Variants in KDM2B observed in about 807,000 individuals in gnomAD.
The protein encoded by KDM2B is lysine demethylase 2B.
In KDM2B, 26 loss-of-function variants were observed where a neutral mutation model predicts 150.0. The ratio of observed to expected loss-of-function variants is 0.17; its 90% CI spans 0.13 to 0.24. The LOEUF is 0.24. KDM2B is among the 10% of genes least tolerant of loss of function. The pLI, the probability that KDM2B is intolerant of heterozygous loss-of-function variation, is 1.00. For missense variants in KDM2B, 1,265 were observed against 1,816.9 expected, an observed-to-expected ratio of 0.70 and a Z score of 5.52; for synonymous variants, 734 against 729.5, an observed-to-expected ratio of 1.01 and a Z score of -0.10.
chr12:121,509,084 A>G (rs1197605931), intron 11 of KDM2B, among the ~76,000 whole-genome samples: 1 of 151,960 alleles, frequency 6.6e-6, no homozygotes, highest in African/African-American at 2.4e-5. Context: ...TTTGAGACAG[A>G]GTCTTGCTCT....
chr12:121,450,266 ACTGCG>A (rs1395911500), intron 13 of KDM2B, among the ~76,000 whole-genome samples: 2 of 151,790 alleles, frequency 1.3e-5, no homozygotes, highest in African/African-American at 2.4e-5. Flanking sequence ...GTGAGCCGAG[ACTGCG>A]CCACTGCACT....
intron 12 of KDM2B, among the ~76,000 whole-genome samples, chr12:121,455,268 C>T (rs1878041387): frequency 6.6e-6 from 1 of 152,190 alleles, no homozygotes; most frequent in African/African-American, 2.4e-5. Context: ...CTGGTCTTCC[C>T]CAGCTGCTCA....
chr12:121,430,216 A>AT lies in KDM2B; in HGVS notation c.*71dup, dbSNP rs782368767. ...TGTTGTCCCACGTTCCAAATGGAAA[A>AT]TAAAAGCCCTCATTTTTGTAAAGTC... On this transcript the variant is annotated 3_prime_UTR_variant, in exon 23 of 23. Transcript: ENST00000377071. This position sits in a 1 kb window ranked among gnomAD's most constrained non-coding sequence, Gnocchi z 4.4. 1.2e-6 allele frequency: 2 copies of AT among 1,614,164 alleles called. No homozygotes were observed. Among genetic ancestry groups the AT allele is most frequent in the Non-Finnish European group, 1.7e-6 (2 of 1,180,026 alleles).
At chr12:121,565,660 T>C (rs1019489497) in intron 4 of KDM2B, among the ~76,000 whole-genome samples, 18 of 152,180 alleles carry the variant, frequency 1.2e-4, no homozygotes, top group Admixed American at 7.2e-4. Context: ...AGTCTCGTTC[T>C]GTTGCCCAGG....
intron 8 of KDM2B, among the ~76,000 whole-genome samples, chr12:121,531,777 C>G (rs551951024): frequency 1.3e-5 from 2 of 152,250 alleles, no homozygotes; most frequent in Admixed American, 1.3e-4. Context: ...CTCCAAAGTA[C>G]AATGACCAAG....
At chr12:121,441,438 A>AGTAT (rs782803976) in intron 19 of KDM2B, among the ~76,000 whole-genome samples, 5 of 151,902 alleles carry the variant, frequency 3.3e-5, no homozygotes, top group Admixed American at 1.3e-4. Context: ...CTCTCCATCA[A>AGTAT]GTATGTATGT....
chr12:121,430,517 A>G lies in KDM2B; in HGVS notation c.3830-48T>C, dbSNP rs781829342. On this transcript the variant is annotated intron_variant, in intron 22 of 22. Transcript: ENST00000377071. This position sits in a 1 kb window ranked among gnomAD's most constrained non-coding sequence, Gnocchi z 4.4. Reference sequence around the variant, plus strand: ...TGAGGTGTGAAGGCCAGGAGCCAGAAGCCCCCCCGCCGCCAGACCCAGGCA... The same window carrying G: ...TGAGGTGTGAAGGCCAGGAGCCAGAGGCCCCCCCGCCGCCAGACCCAGGCA... The G allele has an allele frequency of 2.7e-6, 4 of 1,464,526 alleles. No individual in the cohort carries two copies. The highest frequency in any genetic ancestry group is 3.8e-6 in the Non-Finnish European group (4 of 1,045,224). The allele number at this position is 1,464,526 out of a possible 1,614,324, so 90.7% of individuals were successfully genotyped here.
In KDM2B at chr12:121,517,905, G is replaced by T. The variant is rs114663616; in HGVS notation, c.1047+3080C>A. On this transcript the variant is annotated intron_variant, in intron 9 of 22. Transcript: ENST00000377071. ...AGGACTCTTAAAACACTTTTTTTGA[G>T]GGGGGGGATGGAGTTTCGCTCTTGT... Among the ~76,000 whole-genome samples the T allele has an allele frequency of 7.0e-3, 1,051 of 150,020 alleles. 18 individuals are homozygous for T. The highest frequency in any genetic ancestry group is 0.024 in the African/African-American group (986 of 40,702).
intron 13 of KDM2B, among the ~76,000 whole-genome samples, chr12:121,450,123 A>G (rs2138601966): frequency 6.6e-6 from 1 of 152,130 alleles, no homozygotes; most frequent in East Asian, 1.9e-4. Context: ...AGACCAGCCT[A>G]GACAATAGAG....
chr12:121,437,550 A>T (rs1018099633), intron 22 of KDM2B, among the ~76,000 whole-genome samples: 1 of 152,194 alleles, frequency 6.6e-6, no homozygotes, highest in African/African-American at 2.4e-5. Context: ...CAAAGCAAGC[A>T]CTAGGCTTGC....
chr12:121,538,306 G>A (rs909123828), intron 6 of KDM2B, among the ~76,000 whole-genome samples: 3 of 152,054 alleles, frequency 2.0e-5, no homozygotes, highest in South Asian at 4.2e-4. Flanking sequence ...GGCCAGCAAA[G>A]CCACCTTCCT....
rs1555289219 is a variant in KDM2B, at chr12:121,443,706, A to C, written c.2539T>G (p.Ser847Ala). The change falls in exon 17 of 23, where the codon TCC becomes GCC. Residue 847 changes from serine to alanine, a missense_variant. By Grantham distance (99) the Ser-to-Ala change is moderately conservative (BLOSUM62 1). Coordinates refer to ENST00000377071, the MANE Select transcript of KDM2B (RefSeq NM_032590.5). ...TGCTGCTGGAAGTAAGTGAGACTGG[A>C]TCTCCACCAGGGGCTGAGGCTGCTG... ...LGSSLSPWWR[S>A]SLTYFQQQLK... 1 of 1,611,540 alleles carries C rather than the reference A, an allele frequency of 6.2e-7. No individual in the cohort carries two copies. Among genetic ancestry groups the C allele is most frequent in the East Asian group, 2.2e-5 (1 of 44,878 alleles).
intron 12 of KDM2B, among the ~76,000 whole-genome samples, chr12:121,488,002 C>T (rs927806808): frequency 9.2e-5 from 14 of 151,966 alleles, no homozygotes; most frequent in Admixed American, 8.5e-4. Context: ...AGGCTAGTCT[C>T]GAACTCCTGA....
chr12:121,415,807 C>G, the KDM2B span, among the ~76,000 whole-genome samples: 2 of 148,050 alleles, frequency 1.4e-5, no homozygotes, highest in Admixed American at 6.7e-5. Context: ...TATGCATATC[C>G]CAAATATACC....
At chr12:121,559,159 T>G (rs782351532) in intron 4 of KDM2B, among the ~76,000 whole-genome samples, 1 of 152,170 alleles carries the variant, frequency 6.6e-6, no homozygotes, top group Non-Finnish European at 1.5e-5. Flanking sequence ...AGGGAAGGGC[T>G]GTGGGGAGCA....
intron 12 of KDM2B, among the ~76,000 whole-genome samples, chr12:121,474,799 A>G (rs1370384103): frequency 2.6e-5 from 4 of 152,084 alleles, no homozygotes; most frequent in African/African-American, 9.7e-5. Context: ...AAAAAATACA[A>G]ACATTAGCTG....
At chr12:121,576,685 A>G (rs1279936651) in intron 2 of KDM2B, among the ~76,000 whole-genome samples, 1 of 152,136 alleles carries the variant, frequency 6.6e-6, no homozygotes, top group African/African-American at 2.4e-5. Context: ...CAATTCTGAA[A>G]CCAGTGAATC....
the KDM2B span, among the ~76,000 whole-genome samples, chr12:121,413,284 C>T: frequency 4.6e-5 from 7 of 152,184 alleles, no homozygotes; most frequent in Admixed American, 3.9e-4. Context: ...TCCTTGGCCT[C>T]CCAAAGTGCT....
chr12:121,544,980 G>A (rs1489840693), intron 6 of KDM2B, among the ~76,000 whole-genome samples: 2 of 151,316 alleles, frequency 1.3e-5, no homozygotes, highest in African/African-American at 4.9e-5. Flanking sequence ...GAGCCGGGTG[G>A]GGGAAGCAGT....
Sources: allele counts gnomAD v4.1 joint callset (sites outside exome capture counted in the v4.1 genomes callset), GRCh38; gene constraint gnomAD v4.1.1; non-coding constraint Gnocchi (gnomAD v3.1); transcripts MANE v1.5; gene names NCBI Gene and HGNC (gene_info 2026-07-23, HGNC 2026-07-21).